PIK3C2G: variants seen among roughly 807,000 people sequenced by gnomAD.
The protein encoded by PIK3C2G is phosphatidylinositol 3-kinase C2 domain-containing subunit gamma.
In PIK3C2G, 168 loss-of-function variants were observed where a neutral mutation model predicts 181.1. The ratio of observed to expected loss-of-function variants is 0.93; its 90% CI spans 0.82 to 1.05. The LOEUF is 1.05. Among genes scored for constraint, PIK3C2G ranks in the 50% least tolerant of loss-of-function variants. The pLI is 0.00. For missense variants in PIK3C2G, 1,869 were observed against 1,732.8 expected (o/e 1.08, Z -1.40); for synonymous variants, 573 against 592.2 (o/e 0.97, Z 0.47).
the PIK3C2G span, among the ~76,000 whole-genome samples, chr12:18,718,542 C>T: frequency 6.6e-6 from 1 of 152,120 alleles, no homozygotes; most frequent in Non-Finnish European, 1.5e-5. Flanking sequence ...CCATTTTTCT[C>T]TCATTTAAAC....
chr12:18,650,072 C>T (rs1245674229), downstream of PIK3C2G, among the ~76,000 whole-genome samples: 1 of 152,014 alleles, frequency 6.6e-6, no homozygotes, highest in Non-Finnish European at 1.5e-5. Flanking sequence ...CCCAGAATAC[C>T]TCCCAGATTC....
chr12:18,726,461 C>T, the PIK3C2G span, among the ~76,000 whole-genome samples: 6 of 152,146 alleles, frequency 3.9e-5, no homozygotes, highest in Non-Finnish European at 7.4e-5. Flanking sequence ...TGAAGGTAGA[C>T]ATTTTATTCT....
intron 31 of PIK3C2G, among the ~76,000 whole-genome samples, chr12:18,637,440 T>C (rs1949655574): frequency 6.6e-6 from 1 of 152,020 alleles, no homozygotes; most frequent in South Asian, 2.1e-4. Flanking sequence ...TAAGAATTTG[T>C]AGTCTTCCTA....
chr12:18,502,574 T>C (rs1186526224), intron 22 of PIK3C2G, among the ~76,000 whole-genome samples: 1 of 152,174 alleles, frequency 6.6e-6, no homozygotes, highest in African/African-American at 2.4e-5. Context: ...TTCTGTACAG[T>C]ATGAAAATCA....
At chr12:18,623,192 CTT>C (rs1948940882) in intron 31 of PIK3C2G, among the ~76,000 whole-genome samples, 1 of 151,768 alleles carries the variant, frequency 6.6e-6, no homozygotes, top group African/African-American at 2.4e-5. Flanking sequence ...ATATTTAAGT[CTT>C]TAACTCATTT....
chr12:18,328,656 G>A (rs1256951215), intron 8 of PIK3C2G, among the ~76,000 whole-genome samples: 1 of 151,864 alleles, frequency 6.6e-6, no homozygotes, highest in Non-Finnish European at 1.5e-5. Flanking sequence ...CATCACTAGA[G>A]TGAGGATAAT....
chr12:18,266,301 C>A (rs1436910092), intron 1 of PIK3C2G, among the ~76,000 whole-genome samples: 1 of 151,806 alleles, frequency 6.6e-6, no homozygotes, highest in Non-Finnish European at 1.5e-5. Flanking sequence ...TATATACAAA[C>A]AAATATATAT....
At chr12:18,540,711 C>T (rs189160662) in intron 25 of PIK3C2G, among the ~76,000 whole-genome samples, 60 of 151,946 alleles carry the variant, frequency 3.9e-4, no homozygotes, top group Admixed American at 9.9e-4. Context: ...TTATTCAGCT[C>T]TTTTAGGCTA....
At chr12:18,468,768 A>T (rs1214185761) in intron 18 of PIK3C2G, among the ~76,000 whole-genome samples, 3 of 152,124 alleles carry the variant, frequency 2.0e-5, no homozygotes, top group Non-Finnish European at 4.4e-5. Context: ...ATAAAAAATA[A>T]TGACTGTAAG....
chr12:18,385,173 C>A (rs1395408027), intron 14 of PIK3C2G, among the ~76,000 whole-genome samples: 1 of 152,082 alleles, frequency 6.6e-6, no homozygotes, highest in Non-Finnish European at 1.5e-5. Flanking sequence ...CCTATTTTAT[C>A]CTCTGCATAA....
chr12:18,428,976 A>C (rs1945998082), intron 18 of PIK3C2G, among the ~76,000 whole-genome samples: 1 of 152,172 alleles, frequency 6.6e-6, no homozygotes, highest in Non-Finnish European at 1.5e-5. Context: ...TATTGAGTTG[A>C]GTGGTGGCCC....
chr12:18,282,677 A>G lies in PIK3C2G; in HGVS notation c.596A>G (p.Asn199Ser), dbSNP rs760600887. 2 of 1,613,526 alleles carry G rather than the reference A, an allele frequency of 1.2e-6. No homozygotes were observed. The highest frequency in any genetic ancestry group is 2.2e-5 in the South Asian group (2 of 91,030). The change falls in exon 2 of 33, where the codon AAC (asparagine) becomes AGC (serine). Residue 199 changes from asparagine to serine, a missense_variant. Asn to Ser is a conservative substitution (Grantham distance 46). Transcript: ENST00000538779. ...KEENKRSGHV[N>S]IVEPSLMLLK... ...GAGAATAAAAGGAGTGGACATGTGA[A>G]CATTGTGGAACCATCTTTGATGCTT...
intron 5 of PIK3C2G, among the ~76,000 whole-genome samples, chr12:18,310,574 TTGAG>T (rs2137377358): frequency 6.6e-6 from 1 of 152,006 alleles, no homozygotes; most frequent in African/African-American, 2.4e-5. Context: ...TAAATTTTAT[TTGAG>T]TGTCTGTCAC....
At chr12:18,376,667 T>C (rs1208759491) in intron 13 of PIK3C2G, among the ~76,000 whole-genome samples, 1 of 152,210 alleles carries the variant, frequency 6.6e-6, no homozygotes, top group Non-Finnish European at 1.5e-5. Context: ...TTGTGCTGAA[T>C]TGTAGTTTCC....
At chr12:18,561,288 T>C (rs1945329016) in intron 26 of PIK3C2G, among the ~76,000 whole-genome samples, 1 of 152,174 alleles carries the variant, frequency 6.6e-6, no homozygotes, top group Non-Finnish European at 1.5e-5. Flanking sequence ...ACAGTTCAAT[T>C]GTACTATACA....
At chr12:18,510,616 C>A (rs1170545021) in intron 24 of PIK3C2G, among the ~76,000 whole-genome samples, 16 of 152,116 alleles carry the variant, frequency 1.1e-4, no homozygotes, top group Admixed American at 9.2e-4. Flanking sequence ...TTTTTTGTAG[C>A]TTTCTTTCTA....
intron 16 of PIK3C2G, among the ~76,000 whole-genome samples, chr12:18,401,626 T>C (rs1944255597): frequency 6.6e-6 from 1 of 152,080 alleles, no homozygotes; most frequent in African/African-American, 2.4e-5. Context: ...GACAAGGAAA[T>C]TTTATTCAAA....
At chr12:18,497,089 C>T (rs1026636016) in intron 21 of PIK3C2G, among the ~76,000 whole-genome samples, 12 of 152,130 alleles carry the variant, frequency 7.9e-5, no homozygotes, top group Non-Finnish European at 1.6e-4. Context: ...AAATCATTTT[C>T]TCTGAAAACC....
intron 32 of PIK3C2G, among the ~76,000 whole-genome samples, chr12:18,647,434 T>C (rs1950196808): frequency 6.6e-6 from 1 of 150,494 alleles, no homozygotes; most frequent in African/African-American, 2.4e-5. Context: ...TGCACATCTA[T>C]TCCCCTGAAT....
Sources: gnomAD v4.1 joint callset for allele counts (sites outside exome capture counted in the v4.1 genomes callset) on GRCh38, gnomAD v4.1.1 for gene constraint, MANE v1.5 for transcripts, NCBI Gene and HGNC (gene_info 2026-07-23, HGNC 2026-07-21) for gene names.